LOC128706665: variants seen among roughly 807,000 people sequenced by gnomAD.
chr20:10,421,534 G>A, the LOC128706665 span, among the ~76,000 whole-genome samples: 1 of 152,046 alleles, frequency 6.6e-6, no homozygotes, highest in East Asian at 1.9e-4. Flanking sequence ...TAGTGATAGT[G>A]TTTCAACTGC....
At chr20:10,428,625 G>A in the LOC128706665 span, among the ~76,000 whole-genome samples, 3 of 152,136 alleles carry the variant, frequency 2.0e-5, no homozygotes, top group Non-Finnish European at 4.4e-5. Flanking sequence ...GATCACTTGA[G>A]GTCAGGATTT....
At chr20:10,434,061 G>C in the LOC128706665 span, 5 of 152,544 alleles carry the variant, frequency 3.3e-5, no homozygotes, top group Non-Finnish European at 7.3e-5. Context: ...CCTCTCTTCG[G>C]CCGGACACAA....
At chr20:10,423,771 G>C in the LOC128706665 span, among the ~76,000 whole-genome samples, 1 of 152,170 alleles carries the variant, frequency 6.6e-6, no homozygotes, top group African/African-American at 2.4e-5. Flanking sequence ...AAGGATCGAT[G>C]AATCTTTTTC....
the LOC128706665 span, among the ~76,000 whole-genome samples, chr20:10,428,537 T>G: frequency 6.6e-6 from 1 of 152,172 alleles, no homozygotes. Flanking sequence ...GCACCTTAGC[T>G]CTCAACTAAA....
the LOC128706665 span, among the ~76,000 whole-genome samples, chr20:10,429,411 T>C: frequency 1.6e-4 from 24 of 152,334 alleles, 1 homozygote; most frequent in Non-Finnish European, 2.1e-4. Flanking sequence ...ATCCCCAAAC[T>C]TCTATGATCA....
At chr20:10,420,707 T>G in the LOC128706665 span, 1 of 152,250 alleles carries the variant, frequency 6.6e-6, no homozygotes, top group African/African-American at 2.4e-5. Context: ...ACCAAAACTT[T>G]GTAGTCTCTC....
chr20:10,424,047 C>T, the LOC128706665 span, among the ~76,000 whole-genome samples: 2 of 152,146 alleles, frequency 1.3e-5, no homozygotes, highest in African/African-American at 4.8e-5. Context: ...CTTTGAGAGG[C>T]TTGGGAAATG....
chr20:10,423,653 T>A, the LOC128706665 span, among the ~76,000 whole-genome samples: 1 of 152,198 alleles, frequency 6.6e-6, no homozygotes, highest in African/African-American at 2.4e-5. Flanking sequence ...TAGCTCCCTA[T>A]AATACTTAGT....
the LOC128706665 span, among the ~76,000 whole-genome samples, chr20:10,429,768 T>C: frequency 6.6e-6 from 1 of 152,140 alleles, no homozygotes; most frequent in Non-Finnish European, 1.5e-5. Flanking sequence ...CGCCCTCACA[T>C]GACCTCCTTG....
the LOC128706665 span, among the ~76,000 whole-genome samples, chr20:10,433,369 G>C: frequency 7.9e-5 from 12 of 152,330 alleles, no homozygotes; most frequent in African/African-American, 2.9e-4. Context: ...GATAGGGAGC[G>C]TATTGTTTCT....
chr20:10,425,584 C>T, the LOC128706665 span, among the ~76,000 whole-genome samples: 1 of 152,178 alleles, frequency 6.6e-6, no homozygotes, highest in Non-Finnish European at 1.5e-5. Context: ...TTACAGTTTG[C>T]CTTGAGATGG....
the LOC128706665 span, chr20:10,420,841 AG>A: frequency 6.6e-6 from 1 of 152,228 alleles, no homozygotes; most frequent in South Asian, 2.1e-4. Context: ...CACTACAAGT[AG>A]CATGCTGTAC....
the LOC128706665 span, among the ~76,000 whole-genome samples, chr20:10,425,019 C>T: frequency 2.6e-5 from 4 of 151,150 alleles, no homozygotes; most frequent in Non-Finnish European, 4.4e-5. Flanking sequence ...TGCCATTGCA[C>T]TCCCACCTAG....
the LOC128706665 span, among the ~76,000 whole-genome samples, chr20:10,424,269 A>G: frequency 6.6e-6 from 1 of 151,904 alleles, no homozygotes; most frequent in Non-Finnish European, 1.5e-5. Context: ...AAAAGGAAAA[A>G]AAAAGGCCAG....
chr20:10,432,297 T>C, the LOC128706665 span, among the ~76,000 whole-genome samples: 2 of 152,210 alleles, frequency 1.3e-5, no homozygotes, highest in African/African-American at 4.8e-5. Flanking sequence ...CTTTCTTCCT[T>C]GGTAATCATC....
At chr20:10,428,858 T>G in the LOC128706665 span, among the ~76,000 whole-genome samples, 1 of 151,934 alleles carries the variant, frequency 6.6e-6, no homozygotes, top group African/African-American at 2.4e-5. Context: ...AATAAATAAA[T>G]AAATAAAACT....
At chr20:10,430,603 G>A in the LOC128706665 span, among the ~76,000 whole-genome samples, 45 of 152,296 alleles carry the variant, frequency 3.0e-4, no homozygotes, top group Middle Eastern at 3.4e-3. Flanking sequence ...CAGTTAGTTA[G>A]CTAAGAATAA....
chr20:10,415,195 G>A, the LOC128706665 span, among the ~76,000 whole-genome samples: 1 of 152,136 alleles, frequency 6.6e-6, no homozygotes, highest in African/African-American at 2.4e-5. Context: ...ATCTGTTGAG[G>A]CCGGGTGTTT....
the LOC128706665 span, among the ~76,000 whole-genome samples, chr20:10,421,269 A>AAAGTGT: frequency 6.6e-6 from 1 of 151,920 alleles, no homozygotes; most frequent in Non-Finnish European, 1.5e-5. Context: ...GTTTCTACTA[A>AAAGTGT]AAGTATTAGT....
Sources: allele counts gnomAD v4.1 joint callset (sites outside exome capture counted in the v4.1 genomes callset), GRCh38; gene constraint gnomAD v4.1.1; transcripts MANE v1.5.